GPC6: variants seen among roughly 807,000 people sequenced by gnomAD.
GPC6 encodes the protein glypican-6.
Under a neutral mutation model 55.2 loss-of-function variants are expected in GPC6, and 14 were observed. The observed-to-expected ratio is 0.25, with a 90% confidence interval of 0.17 to 0.40. The LOEUF (loss-of-function observed/expected upper bound fraction) is 0.40. Ranked by LOEUF, GPC6 falls within the 10% of genes least tolerant of loss-of-function variation. GPC6 has a pLI of 1.00. For missense variants in GPC6, 641 were observed against 708.5 expected (o/e 0.90, Z 1.08); for synonymous variants, 278 against 259.6 (o/e 1.07, Z -0.68).
chr13:93,379,155 G>C (rs1181597794), intron 1 of GPC6, among the ~76,000 whole-genome samples: 1 of 152,070 alleles, frequency 6.6e-6, no homozygotes, highest in Non-Finnish European at 1.5e-5. Context: ...CTGGGCTTAG[G>C]TAATCCTCCC....
intron 1 of GPC6, among the ~76,000 whole-genome samples, chr13:93,471,900 T>C (rs2590544): frequency 0.23 from 35,088 of 152,200 alleles, 4,307 homozygotes; most frequent in East Asian, 0.37. Flanking sequence ...AGTTGACTTA[T>C]GGAAATTTTC....
At chr13:93,839,198 G>A (rs544059718) in intron 3 of GPC6, among the ~76,000 whole-genome samples, 1 of 152,164 alleles carries the variant, frequency 6.6e-6, no homozygotes, top group South Asian at 2.1e-4. Context: ...TAATTGGTTG[G>A]GAAGTTAACT....
chr13:94,025,318 T>G (rs1184288296), intron 3 of GPC6, among the ~76,000 whole-genome samples: 1 of 152,172 alleles, frequency 6.6e-6, no homozygotes, highest in Non-Finnish European at 1.5e-5. Context: ...CCAGTAAGTT[T>G]GCAAGATAGC....
chr13:93,535,278 T>C (rs999733148), intron 1 of GPC6, among the ~76,000 whole-genome samples: 1 of 152,214 alleles, frequency 6.6e-6, no homozygotes, highest in East Asian at 1.9e-4. Context: ...AACTTTGGAA[T>C]AATTTCATTG....
At chr13:93,504,154 C>T (rs930212560) in intron 1 of GPC6, among the ~76,000 whole-genome samples, 10 of 152,108 alleles carry the variant, frequency 6.6e-5, no homozygotes, top group African/African-American at 2.4e-4. Context: ...AACTGAAAAA[C>T]ATAACACCTT....
At chr13:94,014,734 T>C (rs1882392630) in intron 3 of GPC6, among the ~76,000 whole-genome samples, 1 of 152,174 alleles carries the variant, frequency 6.6e-6, no homozygotes, top group Non-Finnish European at 1.5e-5. Flanking sequence ...TAATCTACTT[T>C]CTGTCTCTAT....
intron 2 of GPC6, among the ~76,000 whole-genome samples, chr13:93,702,137 G>A (rs987026383): frequency 1.3e-5 from 2 of 152,000 alleles, no homozygotes; most frequent in African/African-American, 4.8e-5. Flanking sequence ...AAATACAATA[G>A]ACTTGAAAGT....
chr13:93,965,365 T>C lies in GPC6; in HGVS notation c.712-62364T>C, dbSNP rs544794763. 1.5e-3 allele frequency among the ~76,000 whole-genome samples: 230 copies of C among 152,084 alleles called. 2 individuals are homozygous for C. Among genetic ancestry groups the C allele is most frequent in the Admixed American group, 0.015 (222 of 15,280 alleles). The stretch of plus-strand genomic sequence containing the variant: ...GGTGGAGCTTTCAGTGAGCCGAGAT[T>C]GCGCCACTGCATTCCAGCCTGGGTG... On this transcript the variant is annotated intron_variant, in intron 3 of 8. Transcript: ENST00000377047.
At chr13:94,130,463 G>T (rs533817590) in intron 4 of GPC6, among the ~76,000 whole-genome samples, 1 of 152,262 alleles carries the variant, frequency 6.6e-6, no homozygotes, top group African/African-American at 2.4e-5. Context: ...AACAAAAAAT[G>T]TATTTAGTTT....
intron 2 of GPC6, among the ~76,000 whole-genome samples, chr13:93,724,423 T>C (rs1458076085): frequency 1.3e-5 from 2 of 152,110 alleles, no homozygotes; most frequent in African/African-American, 2.4e-5. Flanking sequence ...TTAGACTGTT[T>C]GATTACTTCT....
At chr13:94,310,983 A>C (rs1159492948) in intron 6 of GPC6, among the ~76,000 whole-genome samples, 1 of 152,112 alleles carries the variant, frequency 6.6e-6, no homozygotes. Flanking sequence ...AGACATAGAA[A>C]ATTCAAGGGA....
At chr13:94,164,952 T>C (rs765212520) in intron 4 of GPC6, among the ~76,000 whole-genome samples, 11 of 152,008 alleles carry the variant, frequency 7.2e-5, no homozygotes, top group Admixed American at 7.2e-4. Flanking sequence ...GTTGTATTCA[T>C]GAAAACTAAT....
chr13:93,822,489 C>T lies in GPC6; in HGVS notation c.320-7665C>T, dbSNP rs9584159. Among the ~76,000 whole-genome samples, 991 of 152,196 alleles carry T rather than the reference C, an allele frequency of 6.5e-3. 15 individuals are homozygous for T. The highest frequency in any genetic ancestry group is 0.023 in the African/African-American group (951 of 41,486). The stretch of plus-strand genomic sequence containing the variant: ...CACTTTACATTCTGAGGTACATGTG[C>T]AGAATATGCACGTTTGTTACATAGG... On this transcript the variant is annotated intron_variant, in intron 2 of 8. Transcript: ENST00000377047.
intron 3 of GPC6, among the ~76,000 whole-genome samples, chr13:93,907,148 A>G (rs184245087): frequency 3.9e-5 from 6 of 152,238 alleles, no homozygotes; most frequent in Admixed American, 2.6e-4. Context: ...GATAAATAAG[A>G]TCTACAATCC....
intron 4 of GPC6, among the ~76,000 whole-genome samples, chr13:94,029,673 T>C (rs1358633746): frequency 6.6e-6 from 1 of 152,214 alleles, no homozygotes; most frequent in East Asian, 1.9e-4. Context: ...CTGCAAGTTA[T>C]TGAAGAAGAT....
At chr13:93,667,010 C>G (rs1339915694) in intron 2 of GPC6, among the ~76,000 whole-genome samples, 1 of 151,426 alleles carries the variant, frequency 6.6e-6, no homozygotes, top group Non-Finnish European at 1.5e-5. Flanking sequence ...TTTTTTGGAA[C>G]AATGCTGTAT....
intron 3 of GPC6, among the ~76,000 whole-genome samples, chr13:93,835,359 G>A (rs995902180): frequency 6.6e-6 from 1 of 152,166 alleles, no homozygotes; most frequent in African/African-American, 2.4e-5. Flanking sequence ...AGAGGCTGCA[G>A]TGGGAGAGTG....
intron 1 of GPC6, among the ~76,000 whole-genome samples, chr13:93,499,269 T>G (rs1000011461): frequency 9.2e-5 from 14 of 152,192 alleles, no homozygotes; most frequent in African/African-American, 3.4e-4. Flanking sequence ...AAGAGTTTGT[T>G]TCCACATCTG....
At chr13:93,520,282 G>A (rs186984891) in intron 1 of GPC6, among the ~76,000 whole-genome samples, 47 of 152,026 alleles carry the variant, frequency 3.1e-4, no homozygotes, top group African/African-American at 1.1e-3. Context: ...CATCTTCCTT[G>A]ATTTGAGGAG....
Sources: gnomAD v4.1 joint callset for allele counts (sites outside exome capture counted in the v4.1 genomes callset) on GRCh38, gnomAD v4.1.1 for gene constraint, MANE v1.5 for transcripts, NCBI Gene and HGNC (gene_info 2026-07-23, HGNC 2026-07-21) for gene names.